The following MTUS2 variants were observed in gnomAD, a reference collection of about 807,000 sequenced individuals.
The protein encoded by MTUS2 is microtubule-associated tumor suppressor candidate 2.
MTUS2 carries 40 observed loss-of-function variants against 114.1 expected under a neutral mutation model. That is an observed-to-expected ratio of 0.35 (90% CI 0.27 to 0.46). The LOEUF (loss-of-function observed/expected upper bound fraction) is 0.46, where lower values mean the gene tolerates loss of function less well. Among genes scored for constraint, MTUS2 ranks in the 20% least tolerant of loss-of-function variants. MTUS2 has a pLI of 1.00. For synonymous variants in MTUS2, 688 were observed against 672.0 expected (o/e 1.02, Z -0.37); for missense variants, 1,679 against 1,705.4 (o/e 0.98, Z 0.27).
intron 4 of MTUS2, among the ~76,000 whole-genome samples, chr13:29,035,272 C>A (rs914835499): frequency 6.6e-6 from 1 of 152,166 alleles, no homozygotes; most frequent in Non-Finnish European, 1.5e-5. Flanking sequence ...GGACACCCAG[C>A]AAAACTAGTA....
At chr13:28,898,885 A>G (rs2453707) in intron 2 of MTUS2, among the ~76,000 whole-genome samples, 137,442 of 152,222 alleles carry the variant, frequency 0.9, 62,472 homozygotes, top group Middle Eastern at 0.95. Flanking sequence ...TGAACTGTGC[A>G]TAGTGTTTGC....
intron 9 of MTUS2, among the ~76,000 whole-genome samples, chr13:29,450,670 C>T (rs1878620681): frequency 6.6e-6 from 1 of 152,070 alleles, no homozygotes; most frequent in South Asian, 2.1e-4. Flanking sequence ...AAAAGCAAGA[C>T]TTGGCTACAT....
intron 5 of MTUS2, among the ~76,000 whole-genome samples, chr13:29,116,894 A>C (rs1458765624): frequency 6.6e-6 from 1 of 152,142 alleles, no homozygotes; most frequent in Non-Finnish European, 1.5e-5. Context: ...TTGTTTCTGG[A>C]ATTTTTCACT....
intron 6 of MTUS2, among the ~76,000 whole-genome samples, chr13:29,289,527 A>G (rs184338605): frequency 3.9e-4 from 59 of 150,562 alleles, no homozygotes; most frequent in African/African-American, 1.3e-3. Context: ...CAGTGGTGCA[A>G]TCTTGGCTCA....
intron 5 of MTUS2, among the ~76,000 whole-genome samples, chr13:29,269,567 T>C (rs1010533157): frequency 1.3e-5 from 2 of 152,158 alleles, no homozygotes; most frequent in African/African-American, 2.4e-5. Flanking sequence ...TAACACATGT[T>C]GGTGAAGATG....
At chr13:28,869,781 AAAAC>A (rs1472546080) in intron 2 of MTUS2, among the ~76,000 whole-genome samples, 5 of 152,174 alleles carry the variant, frequency 3.3e-5, no homozygotes, top group African/African-American at 9.6e-5. Context: ...AAAACAAAAC[AAAAC>A]AAACAAAAAA....
chr13:29,299,433 T>C (rs1381853558), intron 6 of MTUS2, among the ~76,000 whole-genome samples: 1 of 152,168 alleles, frequency 6.6e-6, no homozygotes, highest in African/African-American at 2.4e-5. Flanking sequence ...GAAATCATGG[T>C]GAATAAGGTG....
chr13:28,939,331 A>G (rs1882096947), intron 2 of MTUS2, among the ~76,000 whole-genome samples: 1 of 152,182 alleles, frequency 6.6e-6, no homozygotes, highest in East Asian at 1.9e-4. Context: ...GCTAAAGACT[A>G]GGGGCATTTT....
chr13:28,887,069 G>A (rs937094267), intron 2 of MTUS2, among the ~76,000 whole-genome samples: 6 of 152,218 alleles, frequency 3.9e-5, no homozygotes, highest in Admixed American at 2.6e-4. Flanking sequence ...ATCAGCGGAG[G>A]TTAAGGTTGG....
intron 5 of MTUS2, among the ~76,000 whole-genome samples, chr13:29,149,682 G>A (rs905421329): frequency 2.0e-5 from 3 of 152,068 alleles, no homozygotes; most frequent in African/African-American, 7.2e-5. Context: ...AATCCATCTT[G>A]AATTTATTTT....
At chr13:29,010,350 C>G (rs1224539111) in intron 2 of MTUS2, among the ~76,000 whole-genome samples, 2 of 152,018 alleles carry the variant, frequency 1.3e-5, no homozygotes, top group East Asian at 3.9e-4. Flanking sequence ...TCTTTTTCTT[C>G]TCTCTTTTCC....
chr13:29,351,248 A>C (rs1869240155), intron 7 of MTUS2, among the ~76,000 whole-genome samples: 1 of 152,124 alleles, frequency 6.6e-6, no homozygotes, highest in Admixed American at 6.5e-5. Flanking sequence ...TGAAATGGTT[A>C]GTGCCTCCAT....
At chr13:29,497,127 A>G in intron 12 of MTUS2, 111 bp from the exon 13 acceptor site, 1 of 899,806 alleles carries the variant, frequency 1.1e-6, no homozygotes. Context: ...CAAGGGAAAC[A>G]CTCTGAGGAT....
intron 2 of MTUS2, among the ~76,000 whole-genome samples, chr13:28,951,546 C>G (rs1882808530): frequency 6.6e-6 from 1 of 152,074 alleles, no homozygotes; most frequent in African/African-American, 2.4e-5. Flanking sequence ...CACCTGTAAT[C>G]CCAGCACTTT....
chr13:29,251,693 A>G (rs1897130655), intron 5 of MTUS2, among the ~76,000 whole-genome samples: 1 of 152,230 alleles, frequency 6.6e-6, no homozygotes, highest in Non-Finnish European at 1.5e-5. Context: ...TATGAGTGGA[A>G]TGATACAGTA....
At chr13:29,417,662 T>C (rs1471976785) in intron 8 of MTUS2, among the ~76,000 whole-genome samples, 1 of 152,182 alleles carries the variant, frequency 6.6e-6, no homozygotes, top group Non-Finnish European at 1.5e-5. Context: ...TAATCAACTC[T>C]TTATTATATT....
chr13:28,887,305 C>A (rs1249273904), intron 2 of MTUS2, among the ~76,000 whole-genome samples: 1 of 152,122 alleles, frequency 6.6e-6, no homozygotes, highest in Non-Finnish European at 1.5e-5. Flanking sequence ...CTGCTGTCTT[C>A]CAGATACCCT....
At chr13:29,461,233 A>T (rs1879469724) in intron 9 of MTUS2, among the ~76,000 whole-genome samples, 1 of 152,094 alleles carries the variant, frequency 6.6e-6, no homozygotes, top group Non-Finnish European at 1.5e-5. Flanking sequence ...CTTTTATCAG[A>T]AACTCACTCC....
intron 5 of MTUS2, among the ~76,000 whole-genome samples, chr13:29,259,842 C>T (rs939059486): frequency 4.6e-5 from 7 of 152,186 alleles, no homozygotes; most frequent in East Asian, 1.9e-4. Flanking sequence ...GTGTGTACCA[C>T]GTGTCACATA....
Sources: allele counts gnomAD v4.1 joint callset (sites outside exome capture counted in the v4.1 genomes callset), GRCh38; gene constraint gnomAD v4.1.1; transcripts MANE v1.5; gene names NCBI Gene and HGNC (gene_info 2026-07-23, HGNC 2026-07-21).